The following PXN variants were observed in gnomAD, a reference collection of about 807,000 sequenced individuals.
PXN encodes testicular tissue protein Li 134.
PXN carries 61 observed loss-of-function variants against 103.6 expected under a neutral mutation model. The observed-to-expected ratio is 0.59, with a 90% CI of 0.48 to 0.73. The LOEUF is 0.73. Among genes scored for constraint, PXN ranks in the 30% least tolerant of loss-of-function variants. The pLI is 0.00. For synonymous variants in PXN, 562 were observed against 607.8 expected (o/e 0.92, Z 1.11); for missense variants, 1,274 against 1,460.3 (o/e 0.87, Z 2.08).
rs948163870 is a variant in PXN, at chr12:120,211,945, C to G, written c.*369G>C. On this transcript the variant is annotated 3_prime_UTR_variant, in exon 15 of 15. Transcript: ENST00000637617. ...AGAGACCCCAACAGACCCTGCCTGC[C>G]CTTCCCTGCCCCCCGGCTGCACTGC... is the stretch of plus-strand genomic sequence containing the variant. The G allele has an allele frequency of 3.6e-6, 2 of 549,872 alleles. No individual in the cohort carries two copies. The highest frequency in any genetic ancestry group is 2.8e-5 in the South Asian group (2 of 71,868). The allele number at this position is 549,872 out of a possible 1,614,324, so 34.1% of individuals were successfully genotyped here.
intron 1 of PXN, among the ~76,000 whole-genome samples, chr12:120,262,784 A>G (rs1894072467): frequency 1.3e-5 from 2 of 152,198 alleles, no homozygotes; most frequent in African/African-American, 4.8e-5. Flanking sequence ...AACTCCGGCC[A>G]GAACTTGAAC....
intron 1 of PXN, among the ~76,000 whole-genome samples, chr12:120,236,089 G>A (rs1468655795): frequency 1.3e-5 from 2 of 152,104 alleles, no homozygotes; most frequent in Admixed American, 6.5e-5. Context: ...TTTTCCCACT[G>A]AGCAAAAAAG....
chr12:120,228,473 C>T lies in PXN; in HGVS notation c.14-4096G>A, dbSNP rs1887353154. Among the ~76,000 whole-genome samples, 1 of 152,230 alleles carries T rather than the reference C, an allele frequency of 6.6e-6. No homozygotes were observed. The highest frequency in any genetic ancestry group is 1.5e-5 in the Non-Finnish European group (1 of 68,040). On this transcript the variant is annotated intron_variant, in intron 1 of 14. Coordinates refer to ENST00000637617, the MANE Select transcript of PXN (RefSeq NM_001385981.1). This position sits in a 1 kb window ranked among gnomAD's most constrained non-coding sequence, Gnocchi z 4.7. ...AGGCCACGGAGCTATGTCCTGGCTC[C>T]GCCCTGGTGAGGAAGGGGTGCAGAC...
chr12:120,242,640 C>A (rs998266317), intron 1 of PXN, among the ~76,000 whole-genome samples: 2 of 152,022 alleles, frequency 1.3e-5, no homozygotes, highest in African/African-American at 4.8e-5. Context: ...AATCCCAGCA[C>A]TTTGCGAGGC....
chr12:120,247,248 A>T (rs981894449), intron 1 of PXN, among the ~76,000 whole-genome samples: 3 of 152,222 alleles, frequency 2.0e-5, no homozygotes, highest in Non-Finnish European at 2.9e-5. Context: ...CATACTTTAC[A>T]TATAAAGACA....
intron 1 of PXN, among the ~76,000 whole-genome samples, chr12:120,246,854 TAAAAAAAAAAA>T (rs869044889): frequency 3.9e-5 from 5 of 128,726 alleles, no homozygotes; most frequent in East Asian, 4.4e-4. Flanking sequence ...GAATCTGTCT[TAAAAAAAAAAA>T]AAAAAAGAAA....
rs535081681 is a variant in PXN, at chr12:120,217,769, T to G, written c.1717-653A>C. Among the ~76,000 whole-genome samples the G allele has an allele frequency of 1.4e-4, 20 of 144,088 alleles. No homozygotes were observed. Among genetic ancestry groups the G allele is most frequent in the Admixed American group, 6.3e-4 (9 of 14,328 alleles). The allele number at this position is 144,088 out of a possible 152,430, so 94.5% of individuals were successfully genotyped here. A position where few individuals can be genotyped will look rare whatever the true frequency, so the allele number is the denominator to read the frequency against. On this transcript the variant is annotated intron_variant, in intron 7 of 14. Coordinates refer to ENST00000637617, the MANE Select transcript of PXN (RefSeq NM_001385981.1). The surrounding 1 kb of genome is among the most constrained non-coding windows in gnomAD (Gnocchi z 4.1). ...TAATTTTTGTTGTTGTTGTTTTTTGTTTTTTTTTTTAGTAGAGATGGGGTT... is the reference window on the plus strand; with the variant it reads ...TAATTTTTGTTGTTGTTGTTTTTTGGTTTTTTTTTTAGTAGAGATGGGGTT...
At position 120,265,724 on chromosome 12, in the gene PXN, C is replaced by T; in HGVS notation, c.-95G>A. The T allele has an allele frequency of 8.9e-7, 1 of 1,124,286 alleles. No homozygotes were observed. The highest frequency in any genetic ancestry group is 1.1e-6 in the Non-Finnish European group (1 of 913,014). 69.6% of individuals were successfully genotyped at this position (1,124,286 alleles called of 1,614,324 possible). On this transcript the variant is annotated 5_prime_UTR_variant, in exon 1 of 15. Coordinates refer to ENST00000637617, the MANE Select transcript of PXN (RefSeq NM_001385981.1). This position sits in a 1 kb window ranked among gnomAD's most constrained non-coding sequence, Gnocchi z 5.7. The stretch of plus-strand genomic sequence containing the variant: ...CAACTTTTCCGCCGCGAGCCTCGGC[C>T]CGGAACGGAACGCGCCGCCGCCGCG...
intron 1 of PXN, among the ~76,000 whole-genome samples, chr12:120,242,815 A>G (rs1890381561): frequency 1.3e-5 from 2 of 151,642 alleles, no homozygotes; most frequent in South Asian, 4.2e-4. Flanking sequence ...TGGGAGGCAG[A>G]GGTTGCAGTG....
Position 120,217,849 on chromosome 12 carries a change from C to T in PXN, c.1717-733G>A, listed in dbSNP as rs969439442. Among the ~76,000 whole-genome samples, 4 of 151,572 alleles carry T rather than the reference C, an allele frequency of 2.6e-5. No individual in the cohort carries two copies. Among genetic ancestry groups the T allele is most frequent in the African/African-American group, 4.8e-5 (2 of 41,286 alleles). ...TCCTGACCTCGTGATCTGCCTGCCT[C>T]GGCCTCCCAAAGTGCTGGGAATACA... is the stretch of plus-strand genomic sequence containing the variant. On this transcript the variant is annotated intron_variant, in intron 7 of 14. Transcript: ENST00000637617. The surrounding 1 kb of genome is among the most constrained non-coding windows in gnomAD (Gnocchi z 4.1).
chr12:120,226,445 T>A lies in PXN; in HGVS notation c.14-2068A>T. The A allele has an allele frequency of 2.3e-6, 3 of 1,288,702 alleles. No individual in the cohort carries two copies. The South Asian group carries it at 3.7e-5, about 16-fold the overall frequency. The allele number at this position is 1,288,702 out of a possible 1,614,324, so 79.8% of individuals were successfully genotyped here. A position where few individuals can be genotyped will look rare whatever the true frequency, so the allele number is the denominator to read the frequency against. ...CACATCCCACACTGCCAAGGCTGGA[T>A]GAAGTGACAATGCTGGACTCTGATC... On this transcript the variant is annotated intron_variant, in intron 1 of 14. Coordinates refer to ENST00000637617, the MANE Select transcript of PXN (RefSeq NM_001385981.1).
chr12:120,211,925 C>A lies in PXN; in HGVS notation c.*389G>T. On this transcript the variant is annotated 3_prime_UTR_variant, in exon 15 of 15. Transcript: ENST00000637617. Reference sequence around the variant, plus strand: ...GGGGAGGAATAAGGATAAAAAGAGACCCCAACAGACCCTGCCTGCCCTTCC... The same window carrying A: ...GGGGAGGAATAAGGATAAAAAGAGAACCCAACAGACCCTGCCTGCCCTTCC... 1.9e-6 allele frequency: 1 copy of A among 534,610 alleles called. No homozygotes were observed. 33.1% of individuals were successfully genotyped at this position (534,610 alleles called of 1,614,324 possible). A position where few individuals can be genotyped will look rare whatever the true frequency, so the allele number is the denominator to read the frequency against.
At position 120,212,416 on chromosome 12, in the gene PXN, G is replaced by C; in HGVS notation, c.3144C>G (p.His1048Gln). 1 of 1,614,022 alleles carries C rather than the reference G, an allele frequency of 6.2e-7. No individual in the cohort carries two copies. The highest frequency in any genetic ancestry group is 1.1e-5 in the South Asian group (1 of 91,086). Residue 1048 changes from histidine (H) to glutamine (Q), a missense_variant, in exon 15 of 15, where the codon CAC becomes CAG. By Grantham distance (24) the His-to-Gln change is conservative. Around this residue, in one of 2 missense-constraint regions of PXN, gnomAD observed 96 missense variants for 151.3 expected, o/e 0.63. Coordinates refer to ENST00000637617, the MANE Select transcript of PXN (RefSeq NM_001385981.1). This position sits in a 1 kb window ranked among gnomAD's most constrained non-coding sequence, Gnocchi z 7.2. ...GCTTGAGGCAGAAGGCACAGACGAA[G>C]TGCTCGGGGTGGAACTTCTTGGCCA... The part of the protein sequence containing the change: ...TAMAKKFHPE[H>Q]FVCAFCLKQL...
At chr12:120,241,831 A>G (rs1352060979) in intron 1 of PXN, among the ~76,000 whole-genome samples, 2 of 152,244 alleles carry the variant, frequency 1.3e-5, no homozygotes, top group African/African-American at 4.8e-5. Flanking sequence ...GCAGCGGAAC[A>G]GCAGGACCAG....
At chr12:120,255,617 C>A (rs905135695) in intron 1 of PXN, among the ~76,000 whole-genome samples, 1 of 151,956 alleles carries the variant, frequency 6.6e-6, no homozygotes, top group Non-Finnish European at 1.5e-5. Context: ...TCACTTGAAC[C>A]CGGGAGGCGG....
At chr12:120,254,691 C>T (rs1172798815) in intron 1 of PXN, among the ~76,000 whole-genome samples, 2 of 152,038 alleles carry the variant, frequency 1.3e-5, no homozygotes, top group East Asian at 1.9e-4. Flanking sequence ...GCTGGAATTA[C>T]AGGCACGTGC....
Position 120,219,654 on chromosome 12 carries a change from G to T in PXN, c.1269C>A (p.Ser423Arg). ...CCAAGGCCTCCTCTGGGCACGAAGG[G>T]CTGGCTGGTGGCCCCTGGGGCTCCC... ...EPGEPQGPPA[S>R]PSCPEEALAA... Residue 423 changes from serine (S) to arginine (R), a missense_variant, in exon 7 of 15, where the codon AGC becomes AGA. By Grantham distance (110) the Ser-to-Arg change is moderately radical (BLOSUM62 -1). Around this residue, in one of 2 missense-constraint regions of PXN, gnomAD observed 1,178 missense variants for 1,309.0 expected, o/e 0.90. Transcript: ENST00000637617. This position sits in a 1 kb window ranked among gnomAD's most constrained non-coding sequence, Gnocchi z 6.5. 2 of 1,583,260 alleles carry T rather than the reference G, an allele frequency of 1.3e-6. No individual in the cohort carries two copies. The highest frequency in any genetic ancestry group is 1.7e-6 in the Non-Finnish European group (2 of 1,172,994).
intron 1 of PXN, among the ~76,000 whole-genome samples, chr12:120,231,929 G>C (rs1288987873): frequency 6.6e-6 from 1 of 152,264 alleles, no homozygotes; most frequent in Non-Finnish European, 1.5e-5. Flanking sequence ...CAGCAGGTGA[G>C]ACAAGGCTGC....
chr12:120,220,158 C>T lies in PXN; in HGVS notation c.832-67G>A. On this transcript the variant is annotated intron_variant, in intron 6 of 14. Coordinates refer to ENST00000637617, the MANE Select transcript of PXN (RefSeq NM_001385981.1). This position sits in a 1 kb window ranked among gnomAD's most constrained non-coding sequence, Gnocchi z 6.1. The stretch of plus-strand genomic sequence containing the variant: ...ATGAGGGGAGTGAGGACGGCTGCAC[C>T]TTGCAGGCGGTGGGCTCGGCCTTAG... 1 of 669,214 alleles carries T rather than the reference C, an allele frequency of 1.5e-6. No homozygotes were observed. Among genetic ancestry groups the T allele is most frequent in the Non-Finnish European group, 2.4e-6 (1 of 410,374 alleles). 41.5% of individuals were successfully genotyped at this position (669,214 alleles called of 1,614,324 possible). A position where few individuals can be genotyped will look rare whatever the true frequency, so the allele number is the denominator to read the frequency against.
Sources: allele counts gnomAD v4.1 joint callset (sites outside exome capture counted in the v4.1 genomes callset), GRCh38; gene constraint gnomAD v4.1.1; regional missense constraint gnomAD v4.1.1; non-coding constraint Gnocchi (gnomAD v3.1); transcripts MANE v1.5; gene names NCBI Gene and HGNC (gene_info 2026-07-23, HGNC 2026-07-21).